The following LMOD1 variants were observed in gnomAD, a reference collection of about 807,000 sequenced individuals.
The protein encoded by LMOD1 is leiomodin-1.
LMOD1 carries 8 observed loss-of-function variants against 36.5 expected under a neutral mutation model. That is an observed-to-expected ratio of 0.22 (90% CI 0.13 to 0.40). The LOEUF is 0.40. Among genes scored for constraint, LMOD1 ranks in the 10% least tolerant of loss-of-function variants. The pLI is 1.00. For missense variants in LMOD1, 630 were observed against 751.1 expected (o/e 0.84, Z 1.88); for synonymous variants, 284 against 288.7 (o/e 0.98, Z 0.17).
At chr1:201,941,709 C>CAA (rs1434886888) in intron 1 of LMOD1, among the ~76,000 whole-genome samples, 1 of 152,324 alleles carries the variant, frequency 6.6e-6, no homozygotes, top group East Asian at 1.9e-4. Context: ...TGAGGCTGTG[C>CAA]AGGCAGTGGG....
At chr1:201,938,172 G>A (rs527573342) in intron 1 of LMOD1, among the ~76,000 whole-genome samples, 3 of 145,682 alleles carry the variant, frequency 2.1e-5, no homozygotes, top group Admixed American at 7.1e-5. Context: ...TCTTGTTGCC[G>A]AGGCTGGAGT....
intron 1 of LMOD1, among the ~76,000 whole-genome samples, chr1:201,909,723 G>T (rs1453428957): frequency 6.6e-6 from 1 of 152,184 alleles, no homozygotes; most frequent in African/African-American, 2.4e-5. Flanking sequence ...GTGAGTGCTG[G>T]CTGCCATGCC....
intron 1 of LMOD1, among the ~76,000 whole-genome samples, chr1:201,921,882 C>A (rs1297557401): frequency 6.6e-6 from 1 of 151,926 alleles, no homozygotes; most frequent in Admixed American, 6.6e-5. Flanking sequence ...ATGGCGTGAA[C>A]CCGGGAGGCA....
intron 1 of LMOD1, among the ~76,000 whole-genome samples, chr1:201,923,881 AAAAG>A (rs1681749168): frequency 1.4e-5 from 2 of 138,762 alleles, no homozygotes; most frequent in African/African-American, 5.1e-5. Flanking sequence ...AGAAAGAAGA[AAAAG>A]AGAGAGAGAG....
intron 1 of LMOD1, among the ~76,000 whole-genome samples, chr1:201,926,566 G>A (rs1681830285): frequency 6.6e-6 from 1 of 152,136 alleles, no homozygotes; most frequent in African/African-American, 2.4e-5. Context: ...TGAAAACAAT[G>A]TTTAGGAAGA....
chr1:201,920,674 A>C (rs912282988), intron 1 of LMOD1, among the ~76,000 whole-genome samples: 2 of 152,206 alleles, frequency 1.3e-5, no homozygotes, highest in African/African-American at 4.8e-5. Context: ...AAGGATGTCA[A>C]GCCATTAAAT....
At chr1:201,920,046 T>TG (rs1491580296) in intron 1 of LMOD1, among the ~76,000 whole-genome samples, 1 of 4,216 alleles carries the variant, frequency 2.4e-4, no homozygotes, top group Non-Finnish European at 2.4e-3. Context: ...GCTCTCTCTC[T>TG]TTTTTTTTTT....
intron 1 of LMOD1, among the ~76,000 whole-genome samples, chr1:201,901,511 A>AATATATATATATATATATATGTGT (rs1553295627): frequency 1.3e-5 from 1 of 75,228 alleles, no homozygotes; most frequent in Non-Finnish European, 2.3e-5. Flanking sequence ...TCAAAAAAAA[A>AATATATATATATATATATATGTGT]ATATATATAT....
intron 1 of LMOD1, among the ~76,000 whole-genome samples, chr1:201,935,286 G>A (rs549617684): frequency 3.3e-5 from 5 of 151,622 alleles, no homozygotes; most frequent in Non-Finnish European, 7.4e-5. Context: ...GGGGTGATCC[G>A]TACTGCCTAA....
At chr1:201,912,199 T>G (rs1270409605) in intron 1 of LMOD1, among the ~76,000 whole-genome samples, 6 of 152,134 alleles carry the variant, frequency 3.9e-5, no homozygotes, top group Non-Finnish European at 8.8e-5. Context: ...AGGAAGAGGC[T>G]TCCCTCTGCA....
At chr1:201,932,922 C>T (rs1465733592) in intron 1 of LMOD1, among the ~76,000 whole-genome samples, 2 of 152,052 alleles carry the variant, frequency 1.3e-5, no homozygotes, top group African/African-American at 2.4e-5. Context: ...GCATTCTCTA[C>T]GACGCAGAAA....
At chr1:201,901,596 GTA>G (rs376484547) in intron 1 of LMOD1, among the ~76,000 whole-genome samples, 22,920 of 62,854 alleles carry the variant, frequency 0.36, 5,775 homozygotes, top group East Asian at 0.52. Flanking sequence ...ATATATATAT[GTA>G]TATATATATA....
chr1:201,912,315 G>A (rs954592814), intron 1 of LMOD1, among the ~76,000 whole-genome samples: 1 of 152,132 alleles, frequency 6.6e-6, no homozygotes, highest in Non-Finnish European at 1.5e-5. Flanking sequence ...TCATGGTCCA[G>A]GATCAATGTC....
chr1:201,929,779 A>G (rs1344393222), intron 1 of LMOD1, among the ~76,000 whole-genome samples: 1 of 152,220 alleles, frequency 6.6e-6, no homozygotes, highest in African/African-American at 2.4e-5. Flanking sequence ...GGACATGAAG[A>G]TGAATAAGAG....
intron 1 of LMOD1, among the ~76,000 whole-genome samples, chr1:201,944,236 G>GA (rs1682165668): frequency 6.6e-6 from 1 of 152,230 alleles, no homozygotes. Context: ...TGGCAGGGGT[G>GA]AGAGAGGTGA....
Position 201,899,389 on chromosome 1 carries a change from C to G in LMOD1, c.1624G>C (p.Ala542Pro). 6 of 1,612,478 alleles carry G rather than the reference C, an allele frequency of 3.7e-6. No homozygotes were observed. The highest frequency in any genetic ancestry group is 5.1e-6 in the Non-Finnish European group (6 of 1,179,122). ...AGGTTCTCCATGATAAGGGGTGGAGCCAAGGGAGGGGGAGGGGGTGGTGGG... is the reference window on the plus strand; with the variant it reads ...AGGTTCTCCATGATAAGGGGTGGAGGCAAGGGAGGGGGAGGGGGTGGTGGG... ...AAPPPPPPPL[A>P]PPLIMENLKN... The change falls in exon 2 of 3, where the codon GCT (alanine) becomes CCT (proline). Residue 542 changes from alanine to proline, a missense_variant. This residue lies in a region of LMOD1 where 144 missense variants were observed against 169.8 expected (regional missense o/e 0.85). Coordinates refer to ENST00000367288, the MANE Select transcript of LMOD1 (RefSeq NM_012134.3). This position sits in a 1 kb window ranked among gnomAD's most constrained non-coding sequence, Gnocchi z 6.3.
chr1:201,916,331 T>G (rs1180726991), intron 1 of LMOD1, among the ~76,000 whole-genome samples: 1 of 151,862 alleles, frequency 6.6e-6, no homozygotes. Flanking sequence ...CTGGGCAACA[T>G]GGTGAAACTC....
chr1:201,934,199 C>T (rs952602936), intron 1 of LMOD1, among the ~76,000 whole-genome samples: 3 of 152,190 alleles, frequency 2.0e-5, no homozygotes, highest in African/African-American at 7.2e-5. Flanking sequence ...TGCCCTCATC[C>T]GGGGAGCACT....
intron 1 of LMOD1, among the ~76,000 whole-genome samples, chr1:201,931,661 C>T (rs973379346): frequency 6.6e-6 from 1 of 151,862 alleles, no homozygotes; most frequent in African/African-American, 2.4e-5. Context: ...ACATTTTCAT[C>T]TGATGGCTTC....
Sources: allele counts gnomAD v4.1 joint callset (sites outside exome capture counted in the v4.1 genomes callset), GRCh38; gene constraint gnomAD v4.1.1; regional missense constraint gnomAD v4.1.1; non-coding constraint Gnocchi (gnomAD v3.1); transcripts MANE v1.5; gene names NCBI Gene and HGNC (gene_info 2026-07-23, HGNC 2026-07-21).